TNFRSF10B: variants seen among roughly 807,000 people sequenced by gnomAD.
TNFRSF10B encodes TNF receptor superfamily member 10b, also known as tumor necrosis factor receptor superfamily member 10B.
Under a neutral mutation model 41.4 loss-of-function variants are expected in TNFRSF10B, and 35 were observed. The observed-to-expected ratio is 0.85, with a 90% confidence interval of 0.65 to 1.12. The LOEUF (loss-of-function observed/expected upper bound fraction) is 1.12. Among genes scored for constraint, TNFRSF10B ranks in the 50% most tolerant of loss-of-function variants. TNFRSF10B has a pLI of 0.00. For missense variants in TNFRSF10B, 584 were observed against 552.7 expected, an observed-to-expected ratio of 1.06 and a Z score of -0.57; for synonymous variants, 230 against 215.5, an observed-to-expected ratio of 1.07 and a Z score of -0.59.
At chr8:23,052,303 T>TTA (rs1812544187) in intron 1 of TNFRSF10B, among the ~76,000 whole-genome samples, 1 of 149,418 alleles carries the variant, frequency 6.7e-6, no homozygotes, top group African/African-American at 2.5e-5. Flanking sequence ...TTTTTTTTTT[T>TTA]GAGACAGAGT....
intron 1 of TNFRSF10B, among the ~76,000 whole-genome samples, chr8:23,055,003 T>C (rs1812623633): frequency 6.6e-6 from 1 of 152,230 alleles, no homozygotes; most frequent in Non-Finnish European, 1.5e-5. Flanking sequence ...GTTTCAAAAA[T>C]TATAGTTACA....
At chr8:23,026,151 C>T (rs201724482) in intron 7 of TNFRSF10B, among the ~76,000 whole-genome samples, 1 of 152,068 alleles carries the variant, frequency 6.6e-6, no homozygotes, top group African/African-American at 2.4e-5. Flanking sequence ...CTTTTAAAAT[C>T]TCTTCTCTTT....
chr8:23,043,142 T>C lies in TNFRSF10B; in HGVS notation c.246A>G (p.Pro82=). 2 of 1,613,970 alleles carry C rather than the reference T, an allele frequency of 1.2e-6. No individual in the cohort carries two copies. Among genetic ancestry groups the C allele is most frequent in the Non-Finnish European group, 1.7e-6 (2 of 1,179,924 alleles). ...KRSSPSEGLC[P]PGHHISEDGR... is the part of the protein sequence containing the mutation. ...AGAGACCCATCTTGAACATACCAGG[T>C]GGACACAATCCCTCTGAGGGGCTGG... Residue 82 remains proline, a synonymous_variant, in exon 2 of 9, where the codon CCA becomes CCG. Transcript: ENST00000276431.
Position 23,028,574 on chromosome 8 carries a change from C to A in TNFRSF10B, c.505G>T (p.Asp169Tyr), listed in dbSNP as rs1161479470. The A allele has an allele frequency of 6.2e-7, 1 of 1,614,102 alleles. No individual in the cohort carries two copies. Among genetic ancestry groups the A allele is most frequent in the Non-Finnish European group, 8.5e-7 (1 of 1,179,982 alleles). The change falls in exon 5 of 9, where the codon GAT (aspartate) becomes TAT (tyrosine). Residue 169 changes from aspartate (D) to tyrosine (Y), a missense_variant. Coordinates refer to ENST00000276431, the MANE Select transcript of TNFRSF10B (RefSeq NM_003842.5). ...TCGATGTCACTCCAGGGTGTACAAT[C>A]ACCGACCTTGACCATCCCTCTGGGA... ...GCPRGMVKVG[D>Y]CTPWSDIECV...
At chr8:23,067,446 A>T (rs1390274004) in intron 1 of TNFRSF10B, among the ~76,000 whole-genome samples, 2 of 82,516 alleles carry the variant, frequency 2.4e-5, no homozygotes, top group Non-Finnish European at 5.8e-5. Context: ...TTATAGAGAT[A>T]AAAAAAAAAC....
At chr8:23,029,104 C>CAG (rs1811802327) in intron 4 of TNFRSF10B, among the ~76,000 whole-genome samples, 1 of 152,154 alleles carries the variant, frequency 6.6e-6, no homozygotes, top group Non-Finnish European at 1.5e-5. Flanking sequence ...ACTGAGGGAT[C>CAG]AGGGGCCAGG....
At chr8:23,062,567 T>C (rs1302757152) in intron 1 of TNFRSF10B, among the ~76,000 whole-genome samples, 1 of 152,248 alleles carries the variant, frequency 6.6e-6, no homozygotes, top group Non-Finnish European at 1.5e-5. Context: ...CTAATAATTA[T>C]TTCCTTTATA....
At chr8:23,039,271 G>A (rs992779303) in intron 2 of TNFRSF10B, among the ~76,000 whole-genome samples, 3 of 152,004 alleles carry the variant, frequency 2.0e-5, no homozygotes, top group Non-Finnish European at 4.4e-5. Context: ...ACAGGCCACG[G>A]ACCAGTACTG....
rs977639238 is a variant in TNFRSF10B at position 23,027,644 on chromosome 8, C to A, written c.780+78G>T. ...GGGCAGCCATGAGGACAATGGGGAC[C>A]CACCCACCCAGGTTCTGCTGTCCCA... is the stretch of plus-strand genomic sequence containing the variant. On this transcript the variant is annotated intron_variant, in intron 6 of 8. Coordinates refer to ENST00000276431, the MANE Select transcript of TNFRSF10B (RefSeq NM_003842.5). The A allele has an allele frequency of 9.4e-6, 15 of 1,597,566 alleles. No homozygotes were observed. The African/African-American group carries it at 1.3e-4, about 14-fold the overall frequency.
chr8:23,031,017 C>T (rs998050479), intron 2 of TNFRSF10B, 145 bp from the exon 3 acceptor site: 6 of 678,716 alleles, frequency 8.8e-6, no homozygotes, highest in Admixed American at 2.1e-5. Context: ...TTCATCAATT[C>T]TGCATTTACA....
At chr8:23,047,916 G>A (rs549049329) in intron 1 of TNFRSF10B, among the ~76,000 whole-genome samples, 3 of 152,216 alleles carry the variant, frequency 2.0e-5, no homozygotes, top group Non-Finnish European at 4.4e-5. Context: ...CATGTTCATT[G>A]CAGCTCTATT....
In TNFRSF10B at chr8:23,022,848, C is replaced by G; in HGVS notation, c.1146G>C (p.Leu382Phe). The G allele has an allele frequency of 6.2e-7, 1 of 1,614,110 alleles. No homozygotes were observed. Among genetic ancestry groups the G allele is most frequent in the South Asian group, 1.1e-5 (1 of 91,070 alleles). ...KAEAAGHRDT[L>F]YTMLIKWVNK... ...TGACCCACTTTATCAGCATCGTGTA[C>G]AAGGTGTCCCTGTGGCCCGCTGCCT... The change falls in exon 9 of 9, where the codon TTG (leucine) becomes TTC (phenylalanine). Residue 382 changes from leucine (L) to phenylalanine (F), a missense_variant. By Grantham distance (22) the Leu-to-Phe change is conservative. Transcript: ENST00000276431.
intron 1 of TNFRSF10B, among the ~76,000 whole-genome samples, chr8:23,055,521 TA>T (rs34761330): frequency 0.14 from 17,294 of 120,446 alleles, 1,627 homozygotes; most frequent in East Asian, 0.48. Flanking sequence ...ATTAAATGCT[TA>T]AAAAAAAAAA....
chr8:23,039,288 G>A (rs1650005737), intron 2 of TNFRSF10B, among the ~76,000 whole-genome samples: 1 of 152,048 alleles, frequency 6.6e-6, no homozygotes, highest in South Asian at 2.1e-4. Flanking sequence ...ACTGGTCCAT[G>A]GCCTGGGGGT....
intron 1 of TNFRSF10B, among the ~76,000 whole-genome samples, chr8:23,058,387 A>AT (rs1812730363): frequency 6.6e-6 from 1 of 152,090 alleles, no homozygotes; most frequent in Admixed American, 6.6e-5. Context: ...TAGTTCTATA[A>AT]TTTTACCAAT....
At chr8:23,031,355 C>T (rs1367088767) in intron 2 of TNFRSF10B, among the ~76,000 whole-genome samples, 1 of 151,336 alleles carries the variant, frequency 6.6e-6, no homozygotes, top group Non-Finnish European at 1.5e-5. Flanking sequence ...GGATTACAGG[C>T]GTGAGCCACT....
At chr8:23,038,128 T>C (rs533175027) in intron 2 of TNFRSF10B, among the ~76,000 whole-genome samples, 1 of 152,342 alleles carries the variant, frequency 6.6e-6, no homozygotes, top group South Asian at 2.1e-4. Context: ...AAGGGAAAAT[T>C]GGACTGTTAT....
intron 1 of TNFRSF10B, among the ~76,000 whole-genome samples, chr8:23,055,472 C>T (rs924941127): frequency 6.8e-6 from 1 of 146,288 alleles, no homozygotes; most frequent in Non-Finnish European, 1.5e-5. Flanking sequence ...AGGCCTCCAT[C>T]ACAACTGTTT....
At chr8:23,062,498 GTGAGCCATCACATCCGGCC>G (rs1469523080) in intron 1 of TNFRSF10B, among the ~76,000 whole-genome samples, 4 of 152,084 alleles carry the variant, frequency 2.6e-5, no homozygotes, top group African/African-American at 9.7e-5. Flanking sequence ...GATTATAGGC[GTGAGCCATCACATCCGGCC>G]TCTACTGTTT....
Sources: allele counts gnomAD v4.1 joint callset (sites outside exome capture counted in the v4.1 genomes callset), GRCh38; gene constraint gnomAD v4.1.1; transcripts MANE v1.5; gene names NCBI Gene and HGNC (gene_info 2026-07-23, HGNC 2026-07-21).